MARCHF10: variants seen among roughly 807,000 people sequenced by gnomAD.
The protein encoded by MARCHF10 is membrane associated ring-CH-type finger 10.
A neutral mutation model predicts 76.2 loss-of-function variants in MARCHF10; 64 were observed. The observed-to-expected ratio is 0.84, with a 90% CI of 0.69 to 1.03. The LOEUF (loss-of-function observed/expected upper bound fraction) is 1.03. Among genes scored for constraint, MARCHF10 ranks in the 50% least tolerant of loss-of-function variants. MARCHF10 has a pLI of 0.00. For synonymous variants in MARCHF10, 340 were observed against 357.5 expected, an observed-to-expected ratio of 0.95 and a Z score of 0.55; for missense variants, 875 against 958.0, an observed-to-expected ratio of 0.91 and a Z score of 1.14.
intron 5 of MARCHF10, among the ~76,000 whole-genome samples, chr17:62,739,557 T>C (rs1486856122): frequency 6.6e-5 from 10 of 151,946 alleles, no homozygotes. Flanking sequence ...AATTTTGTAT[T>C]TTTAGTAGAG....
intron 9 of MARCHF10, among the ~76,000 whole-genome samples, chr17:62,708,355 C>T (rs2089720218): frequency 6.6e-6 from 1 of 151,922 alleles, no homozygotes; most frequent in Non-Finnish European, 1.5e-5. Context: ...ACGCCATTCT[C>T]CTGCCTCAGC....
chr17:62,704,875 C>T (rs752025607), intron 10 of MARCHF10: 283 of 950,558 alleles, frequency 3.0e-4, no homozygotes, highest in Non-Finnish European at 3.5e-4. Context: ...GTTGATTCTG[C>T]CTCCTGATGA....
chr17:62,784,017 C>A (rs901416692), intron 3 of MARCHF10, among the ~76,000 whole-genome samples: 3 of 152,210 alleles, frequency 2.0e-5, no homozygotes, highest in African/African-American at 7.2e-5. Context: ...CTCCCTAACT[C>A]ATTTTATGAG....
intron 10 of MARCHF10, 192 bp downstream of exon 10, chr17:62,705,347 C>G: frequency 6.6e-7 from 1 of 1,510,276 alleles, no homozygotes. Context: ...CTTATCTGCT[C>G]TGCATCCAGT....
intron 4 of MARCHF10, among the ~76,000 whole-genome samples, chr17:62,754,712 G>C (rs537649533): frequency 4.5e-4 from 69 of 152,164 alleles, no homozygotes; most frequent in African/African-American, 1.6e-3. Context: ...CCTGTCTTGA[G>C]AGCATGTATC....
At chr17:62,753,521 A>C (rs918694830) in intron 4 of MARCHF10, among the ~76,000 whole-genome samples, 5 of 152,114 alleles carry the variant, frequency 3.3e-5, no homozygotes, top group African/African-American at 4.8e-5. Flanking sequence ...CATTTCTAAG[A>C]AGCTCTCAGA....
rs1555707309 is a variant in MARCHF10 at position 62,767,450 on chromosome 17, CT to C, written c.211-7445del. ...AGCTTTGAATTGGTGGGTCTGTATT[CT>C]TTTTTTTTTTTTTTTTTGAGATGGA... On this transcript the variant is annotated intron_variant, in intron 3 of 10. Transcript: ENST00000311269. 9.0e-3 allele frequency among the ~76,000 whole-genome samples: 1,217 copies of C among 134,762 alleles called. 12 individuals carry two copies. Among genetic ancestry groups the C allele is most frequent in the African/African-American group, 0.031 (1,152 of 36,660 alleles). The allele number at this position is 134,762 out of a possible 152,430, so 88.4% of individuals were successfully genotyped here.
At chr17:62,770,542 A>ACTT (rs1279852456) in intron 3 of MARCHF10, among the ~76,000 whole-genome samples, 2 of 102,474 alleles carry the variant, frequency 2.0e-5, no homozygotes, top group Non-Finnish European at 4.5e-5. Context: ...TTGTATTTTG[A>ACTT]CTTTTTTTTT....
intron 5 of MARCHF10, 116 bp downstream of exon 5, chr17:62,744,260 T>G (rs2091621262): frequency 8.8e-7 from 1 of 1,138,184 alleles, no homozygotes; most frequent in Non-Finnish European, 1.3e-6. Context: ...TTAAGGTACA[T>G]GCACCTCATT....
At chr17:62,727,154 G>A (rs989648551) in intron 6 of MARCHF10, among the ~76,000 whole-genome samples, 20 of 152,326 alleles carry the variant, frequency 1.3e-4, no homozygotes, top group African/African-American at 4.8e-4. Context: ...ATCTCAACAG[G>A]AGGACGAAGG....
rs67106553 is a variant in MARCHF10, at chr17:62,767,450, C to CCTTTTTT, written c.211-7445_211-7444insAAAAAAG. Reference sequence around the variant, plus strand: ...AGCTTTGAATTGGTGGGTCTGTATTCTTTTTTTTTTTTTTTTTTGAGATGG... The same window carrying CCTTTTTT: ...AGCTTTGAATTGGTGGGTCTGTATTCCTTTTTTTTTTTTTTTTTTTTTTTTGAGATGG... On this transcript the variant is annotated intron_variant, in intron 3 of 10. Coordinates refer to ENST00000311269, the MANE Select transcript of MARCHF10 (RefSeq NM_152598.4). Among the ~76,000 whole-genome samples, 265 of 134,748 alleles carry CCTTTTTT rather than the reference C, an allele frequency of 2.0e-3. 37 individuals carry two copies. The highest frequency in any genetic ancestry group is 4.2e-3 in the East Asian group (19 of 4,548). The allele number at this position is 134,748 out of a possible 152,430, so 88.4% of individuals were successfully genotyped here.
chr17:62,801,090 GTTTAT>G (rs1184986253), intron 2 of MARCHF10, among the ~76,000 whole-genome samples: 4 of 86,832 alleles, frequency 4.6e-5, no homozygotes, highest in Non-Finnish European at 9.5e-5. Flanking sequence ...CTTTTACAGT[GTTTAT>G]TTCATTTCAT....
At chr17:62,739,504 C>G (rs1306775517) in intron 5 of MARCHF10, among the ~76,000 whole-genome samples, 1 of 151,750 alleles carries the variant, frequency 6.6e-6, no homozygotes, top group Non-Finnish European at 1.5e-5. Context: ...GCCTCACCCT[C>G]CTGAGTAGCT....
chr17:62,768,507 A>T (rs552976878), intron 3 of MARCHF10, among the ~76,000 whole-genome samples: 1 of 152,324 alleles, frequency 6.6e-6, no homozygotes, highest in East Asian at 1.9e-4. Flanking sequence ...GTGACAGGGC[A>T]AAATTCCGTC....
chr17:62,721,270 C>G (rs530218791), intron 8 of MARCHF10, among the ~76,000 whole-genome samples: 1 of 152,028 alleles, frequency 6.6e-6, no homozygotes, highest in Non-Finnish European at 1.5e-5. Context: ...GTTGTTAAAA[C>G]GAAGTGACAA....
rs890886638 is a variant in MARCHF10 at position 62,712,473 on chromosome 17, C to A, written c.2215-1129G>T. Among the ~76,000 whole-genome samples the A allele has an allele frequency of 6.6e-6, 1 of 152,182 alleles. No individual in the cohort carries two copies. Among genetic ancestry groups the A allele is most frequent in the Non-Finnish European group, 1.5e-5 (1 of 68,028 alleles). ...GCACAGAACCCACCTCTCCCAGGAC[C>A]AAGCAGCTGCCAGAAAAGGCACAGA... On this transcript the variant is annotated intron_variant, in intron 8 of 10. Coordinates refer to ENST00000311269, the MANE Select transcript of MARCHF10 (RefSeq NM_152598.4). This position sits in a 1 kb window ranked among gnomAD's most constrained non-coding sequence, Gnocchi z 4.2.
chr17:62,779,885 T>C (rs974368465), intron 3 of MARCHF10, among the ~76,000 whole-genome samples: 3 of 152,016 alleles, frequency 2.0e-5, no homozygotes, highest in African/African-American at 7.2e-5. Flanking sequence ...TCACCTGAGG[T>C]CAGTAGTTTG....
intron 4 of MARCHF10, among the ~76,000 whole-genome samples, chr17:62,759,202 A>G (rs977371625): frequency 6.6e-6 from 1 of 152,212 alleles, no homozygotes; most frequent in Non-Finnish European, 1.5e-5. Flanking sequence ...CTCTTGCTTG[A>G]GCCATAAAAC....
intron 3 of MARCHF10, among the ~76,000 whole-genome samples, chr17:62,787,300 C>T (rs1051993467): frequency 6.6e-6 from 1 of 151,958 alleles, no homozygotes; most frequent in African/African-American, 2.4e-5. Context: ...GTCCTTTGAA[C>T]ATTAAATAAC....
Sources: allele counts gnomAD v4.1 joint callset (sites outside exome capture counted in the v4.1 genomes callset), GRCh38; gene constraint gnomAD v4.1.1; non-coding constraint Gnocchi (gnomAD v3.1); transcripts MANE v1.5; gene names NCBI Gene and HGNC (gene_info 2026-07-23, HGNC 2026-07-21).